The following HUWE1 variants were observed in gnomAD, a reference collection of about 807,000 sequenced individuals.
HUWE1 encodes HECT, UBA and WWE domain containing E3 ubiquitin protein ligase 1.
A neutral mutation model predicts 299.4 loss-of-function variants in HUWE1; 18 were observed. That is an observed-to-expected ratio of 0.06 (90% CI 0.04 to 0.09). The LOEUF (loss-of-function observed/expected upper bound fraction) is 0.09, where lower values mean the gene tolerates loss of function less well. HUWE1 is among the 10% of genes least tolerant of loss of function. The pLI is 1.00. For missense variants in HUWE1, 1,832 were observed against 3,462.3 expected (o/e 0.53, Z 11.82); for synonymous variants, 1,317 against 1,286.1 (o/e 1.02, Z -0.51).
At chrX:53,533,806 C>G (rs1228837729) in intron 83 of HUWE1, 2 of 477,965 alleles carry the variant, frequency 4.2e-6, no homozygotes, top group East Asian at 7.4e-5. Context: ...TGCTGTTTAC[C>G]TGACAGTGTC....
Position 53,614,675 on chromosome X carries a change from G to A in HUWE1, c.2120C>T (p.Ala707Val), listed in dbSNP as rs1557005699. Residue 707 changes from alanine (A) to valine (V), a missense_variant, in exon 23 of 84, where the codon GCA (alanine) becomes GTA (valine). This residue lies in a region of HUWE1 where 658 missense variants were observed against 1,282.6 expected (regional missense o/e 0.51). Transcript: ENST00000262854. Reference protein sequence around the residue: ...YICQKPSIQKADGTATAPPPR... With the variant: ...YICQKPSIQKVDGTATAPPPR... ...GGGAGGAGCAGTGGCAGTGCCATCTGCCTTCTGGATTGATGGCTTCTGACA... is the reference window on the plus strand; with the variant it reads ...GGGAGGAGCAGTGGCAGTGCCATCTACCTTCTGGATTGATGGCTTCTGACA... 8.3e-7 allele frequency: 1 copy of A among 1,206,574 alleles called. No homozygotes were observed. Among genetic ancestry groups the A allele is most frequent in the East Asian group, 3.0e-5 (1 of 33,814 alleles).
chrX:53,549,471 G>T lies in HUWE1; in HGVS notation c.9523C>A (p.Leu3175Ile). ...SGSNVDTLLR[L>I]RGRLLLDHEA... ...TGGTCCAGAAGGAGCCGTCCTCGGA[G>T]GCGGAGGAGAGTATCTACATTACTG... Residue 3175 changes from leucine (L) to isoleucine (I), a missense_variant, in exon 67 of 84, where the codon CTC becomes ATC. Transcript: ENST00000262854. 1 of 1,209,714 alleles carries T rather than the reference G, an allele frequency of 8.3e-7. No homozygotes were observed. Among genetic ancestry groups the T allele is most frequent in the South Asian group, 1.8e-5 (1 of 56,967 alleles).
At chrX:53,640,431 A>G (rs972409032) in intron 7 of HUWE1, among the ~76,000 whole-genome samples, 27 of 112,501 alleles carry the variant, frequency 2.4e-4, no homozygotes, top group African/African-American at 8.7e-4. Flanking sequence ...TTTACATTTT[A>G]GAGAAACATG....
At chrX:53,578,791 C>G (rs2063386306) in intron 43 of HUWE1, among the ~76,000 whole-genome samples, 1 of 72,795 alleles carries the variant, frequency 1.4e-5, no homozygotes, top group Non-Finnish European at 2.6e-5. Context: ...GCCGCCCCGT[C>G]TGGGAGGGAG....
chrX:53,676,844 C>T (rs1344761522), intron 3 of HUWE1, among the ~76,000 whole-genome samples: 1 of 111,506 alleles, frequency 9.0e-6, no homozygotes, highest in Non-Finnish European at 1.9e-5. Context: ...GACAGGGGAC[C>T]AATTCATCAT....
chrX:53,635,452 A>G (rs1458477128), intron 7 of HUWE1, among the ~76,000 whole-genome samples: 1 of 110,291 alleles, frequency 9.1e-6, no homozygotes, highest in Non-Finnish European at 1.9e-5. Flanking sequence ...CCACACAGCT[A>G]GGACTACAGG....
chrX:53,600,365 T>A, intron 28 of HUWE1, 56 bp from the exon 29 acceptor site: 1 of 901,708 alleles, frequency 1.1e-6, no homozygotes, highest in Middle Eastern at 3.7e-4. Context: ...ATTTACCTGG[T>A]TCCTTGAGAA....
intron 74 of HUWE1, among the ~76,000 whole-genome samples, chrX:53,542,207 C>T (rs1428285473): frequency 9.9e-5 from 11 of 111,477 alleles, no homozygotes; most frequent in African/African-American, 2.3e-4. Context: ...CAAGAGAAAA[C>T]CCCATAAAAA....
chrX:53,569,502 A>G (rs1369394375), intron 48 of HUWE1, 114 bp downstream of exon 48: 5 of 665,644 alleles, frequency 7.5e-6, no homozygotes, highest in South Asian at 4.5e-5. Flanking sequence ...ACCAGAGAGT[A>G]TATGATGCCA....
rs1305810817 is a variant in HUWE1 at position 53,584,350 on chromosome X, G to A, written c.5002-5C>T. 1 of 1,198,159 alleles carries A rather than the reference G, an allele frequency of 8.3e-7. No homozygotes were observed. Reference sequence around the variant, plus strand: ...GTTCCCTGTTTCCTCATTAACCTAGGAATTCAAACAGACATTAAAAAAACC... The same window carrying A: ...GTTCCCTGTTTCCTCATTAACCTAGAAATTCAAACAGACATTAAAAAAACC... On this transcript the variant is annotated splice_polypyrimidine_tract_variant and splice_region_variant and intron_variant, in intron 40 of 83. Coordinates refer to ENST00000262854, the MANE Select transcript of HUWE1 (RefSeq NM_031407.7).
chrX:53,534,272 G>A (rs1232518687), intron 82 of HUWE1, 75 bp from the exon 83 acceptor site: 5 of 928,896 alleles, frequency 5.4e-6, no homozygotes, highest in Non-Finnish European at 7.8e-6. Context: ...TGGAATCTAG[G>A]AAACAGGACT....
intron 43 of HUWE1, among the ~76,000 whole-genome samples, 175 bp from the exon 44 acceptor site, chrX:53,577,242 C>G (rs2063150840): frequency 9.0e-6 from 1 of 110,532 alleles, no homozygotes; most frequent in Non-Finnish European, 1.9e-5. Flanking sequence ...TCCTTAAATT[C>G]CACAGGATTT....
chrX:53,683,920 C>T (rs1327915895), intron 2 of HUWE1: 5 of 282,680 alleles, frequency 1.8e-5, no homozygotes, highest in Non-Finnish European at 3.1e-5. Flanking sequence ...CCTGCTCCCG[C>T]GAGAATTCTC....
chrX:53,635,332 T>C (rs782526566), intron 7 of HUWE1, among the ~76,000 whole-genome samples: 70 of 110,706 alleles, frequency 6.3e-4, no homozygotes, highest in Non-Finnish European at 1.1e-3. Flanking sequence ...GTGTGAGAGA[T>C]AGACAAGGTC....
At chrX:53,535,218 A>G (rs1418181033) in intron 81 of HUWE1, among the ~76,000 whole-genome samples, 166 bp downstream of exon 81, 1 of 112,100 alleles carries the variant, frequency 8.9e-6, no homozygotes, top group Non-Finnish European at 1.9e-5. Flanking sequence ...TATAGGTGTG[A>G]GCCACCGTGC....
intron 49 of HUWE1, among the ~76,000 whole-genome samples, chrX:53,566,119 G>GTA (rs1556945642): frequency 0.014 from 506 of 35,844 alleles, 7 homozygotes; most frequent in African/African-American, 0.043. Flanking sequence ...ATGTATGTAT[G>GTA]TGTGTGTGTG....
chrX:53,545,514 A>G, intron 70 of HUWE1, among the ~76,000 whole-genome samples: 1 of 111,298 alleles, frequency 9.0e-6, no homozygotes, highest in Non-Finnish European at 1.9e-5. Context: ...TTGACCCCTT[A>G]CCCAATTTGC....
intron 7 of HUWE1, among the ~76,000 whole-genome samples, chrX:53,644,487 A>G (rs2067832833): frequency 8.9e-6 from 1 of 112,039 alleles, no homozygotes; most frequent in Non-Finnish European, 1.9e-5. Context: ...ATGCATGTAT[A>G]CATGTGTTTC....
chrX:53,663,628 C>G (rs2069117551), intron 3 of HUWE1, among the ~76,000 whole-genome samples: 1 of 111,698 alleles, frequency 9.0e-6, no homozygotes, highest in Non-Finnish European at 1.9e-5. Flanking sequence ...TGGCTGCAAA[C>G]TGTCTTGAAA....
Sources: gnomAD v4.1 joint callset for allele counts (sites outside exome capture counted in the v4.1 genomes callset) on GRCh38, gnomAD v4.1.1 for gene constraint, gnomAD v4.1.1 regional missense constraint, MANE v1.5 for transcripts, NCBI Gene and HGNC (gene_info 2026-07-23, HGNC 2026-07-21) for gene names.